The following CYP2E1 variants were observed in gnomAD, a reference collection of about 807,000 sequenced individuals.
CYP2E1 encodes the protein cytochrome P450 2E1.
Under a neutral mutation model 42.9 loss-of-function variants are expected in CYP2E1, and 31 were observed. The observed-to-expected ratio is 0.72, with a 90% CI of 0.54 to 0.98. CYP2E1 has a LOEUF of 0.98. Among genes scored for constraint, CYP2E1 ranks in the 50% least tolerant of loss-of-function variants. The pLI, the probability that CYP2E1 is intolerant of heterozygous loss-of-function variation, is 0.00. For synonymous variants in CYP2E1, 244 were observed against 248.9 expected, an observed-to-expected ratio of 0.98 and a Z score of 0.19; for missense variants, 565 against 633.2, an observed-to-expected ratio of 0.89 and a Z score of 1.16.
chr10:133,538,648 A>G, intron 8 of CYP2E1, 132 bp from the exon 9 acceptor site: 2 of 731,904 alleles, frequency 2.7e-6, no homozygotes, highest in Non-Finnish European at 4.7e-6. Context: ...ATAGGCAGAG[A>G]AGGGTGAGTC....
chr10:133,537,425 T>C (rs541573891), intron 7 of CYP2E1, 175 bp downstream of exon 7: 7 of 661,504 alleles, frequency 1.1e-5, no homozygotes, highest in Middle Eastern at 4.1e-4. Context: ...AGTGCTCACA[T>C]TGGCCTGGTG....
At chr10:133,537,391 C>A in intron 7 of CYP2E1, 141 bp downstream of exon 7, 4 of 793,290 alleles carry the variant, frequency 5.0e-6, no homozygotes, top group African/African-American at 1.7e-5. Flanking sequence ...CCACTCCCAC[C>A]CTGTGGGATA....
At chr10:133,529,316 C>T (rs1326472125) in intron 2 of CYP2E1, among the ~76,000 whole-genome samples, 1 of 152,228 alleles carries the variant, frequency 6.6e-6, no homozygotes, top group Non-Finnish European at 1.5e-5. Flanking sequence ...TGCGCATTCT[C>T]CCAGCCTCCT....
Position 133,537,822 on chromosome 10 carries a change from T to A in CYP2E1, c.1227T>A (p.Phe409Leu), listed in dbSNP as rs892558134. 6.2e-7 allele frequency: 1 copy of A among 1,613,852 alleles called. No homozygotes were observed. The highest frequency in any genetic ancestry group is 1.7e-5 in the Admixed American group (1 of 59,996). ...DNQEFPDPEKFKPEHFLNENG... is the reference protein window; with the variant it reads ...DNQEFPDPEKLKPEHFLNENG... ...AAGAATTTCCTGATCCAGAAAAGTT[T>A]AAGCCAGAACACTTCCTGAATGAAA... The change falls in exon 8 of 9, where the codon TTT (phenylalanine) becomes TTA (leucine). Residue 409 changes from phenylalanine to leucine, a missense_variant. Transcript: ENST00000252945.
At chr10:133,538,746 C>T in intron 8 of CYP2E1, 34 bp from the exon 9 acceptor site, 1 of 1,588,038 alleles carries the variant, frequency 6.3e-7, no homozygotes, top group Non-Finnish European at 8.6e-7. Flanking sequence ...CTGAAACTCC[C>T]TCAGTGTCTC....
In CYP2E1 at chr10:133,527,496, C is replaced by T; in HGVS notation, c.101C>T (p.Pro34Leu). 1 of 1,613,724 alleles carries T rather than the reference C, an allele frequency of 6.2e-7. No homozygotes were observed. Among genetic ancestry groups the T allele is most frequent in the Non-Finnish European group, 8.5e-7 (1 of 1,179,974 alleles). ...RQVHSSWNLP[P>L]GPFPLPIIGN... ...GTGCACAGCAGCTGGAATCTGCCCC[C>T]AGGCCCTTTCCCGCTTCCCATCATC... is the stretch of plus-strand genomic sequence containing the variant. Residue 34 changes from proline (P) to leucine (L), a missense_variant, in exon 1 of 9, where the codon CCA becomes CTA. Transcript: ENST00000252945.
At chr10:133,528,680 C>T (rs1212087354) in intron 2 of CYP2E1, 40 bp downstream of exon 2, 1 of 1,609,526 alleles carries the variant, frequency 6.2e-7, no homozygotes, top group Non-Finnish European at 8.5e-7. Context: ...GGGTGCATAA[C>T]ACGCCCCGGG....
chr10:133,529,772 A>G (rs1479630050), intron 2 of CYP2E1, among the ~76,000 whole-genome samples: 3 of 152,228 alleles, frequency 2.0e-5, no homozygotes, highest in Admixed American at 6.5e-5. Flanking sequence ...CCGCGCCAGG[A>G]CCGCGTCCAG....
intron 8 of CYP2E1, 92 bp from the exon 9 acceptor site, chr10:133,538,688 C>G: frequency 8.6e-7 from 1 of 1,168,908 alleles, no homozygotes; most frequent in Non-Finnish European, 1.3e-6. Flanking sequence ...TGCCCACAGC[C>G]TCCTCCTCCC....
At chr10:133,537,943 T>C in intron 8 of CYP2E1, 51 bp downstream of exon 8, 2 of 1,571,834 alleles carry the variant, frequency 1.3e-6, no homozygotes, top group Non-Finnish European at 1.7e-6. Context: ...CCCACACTCC[T>C]CATCTCCCCT....
rs1851347068 is a variant in CYP2E1 at position 133,532,195 on chromosome 10, A to G, written c.559A>G (p.Lys187Glu). 3 of 1,614,020 alleles carry G rather than the reference A, an allele frequency of 1.9e-6. No homozygotes were observed. The highest frequency in any genetic ancestry group is 1.3e-5 in the African/African-American group (1 of 74,988). The change falls in exon 4 of 9, where the codon AAG (lysine) becomes GAG (glutamate). Residue 187 changes from lysine to glutamate, a missense_variant. By Grantham distance (56) the Lys-to-Glu change is moderately conservative. Transcript: ENST00000252945. ...CNVIADILFRKHFDYNDEKFL... is the reference protein window; with the variant it reads ...CNVIADILFREHFDYNDEKFL... ...CGTCATAGCCGACATCCTCTTCCGC[A>G]AGCATTTTGACTACAATGATGAGAA...
intron 6 of CYP2E1, among the ~76,000 whole-genome samples, chr10:133,536,266 G>A (rs1044741041): frequency 2.6e-5 from 4 of 152,078 alleles, no homozygotes; most frequent in African/African-American, 9.7e-5. Context: ...TAACCTCATA[G>A]AGCTTAGCTC....
At chr10:133,536,436 G>A (rs948585088) in intron 6 of CYP2E1, among the ~76,000 whole-genome samples, 2 of 151,024 alleles carry the variant, frequency 1.3e-5, no homozygotes, top group Admixed American at 1.3e-4. Flanking sequence ...TGGATGGATG[G>A]ATGGATGGTT....
chr10:133,532,940 T>A (rs577291477), intron 5 of CYP2E1, 72 bp downstream of exon 5: 1 of 1,389,886 alleles, frequency 7.2e-7, no homozygotes, highest in East Asian at 2.4e-5. Flanking sequence ...ATTTACAGAG[T>A]GAGCTGCACT....
intron 2 of CYP2E1, among the ~76,000 whole-genome samples, chr10:133,530,730 T>A (rs1272669046): frequency 6.6e-6 from 1 of 152,086 alleles, no homozygotes; most frequent in Non-Finnish European, 1.5e-5. Flanking sequence ...TGATGATGGA[T>A]AAGAGGAAGA....
chr10:133,534,868 AT>A (rs71016459), intron 6 of CYP2E1, among the ~76,000 whole-genome samples: 112,099 of 146,628 alleles, frequency 0.76, 43,806 homozygotes, highest in Middle Eastern at 0.92. Flanking sequence ...TTATTTATTT[AT>A]TTTTTTTTTT....
At chr10:133,536,629 A>AG in intron 6 of CYP2E1, among the ~76,000 whole-genome samples, 1 of 13,250 alleles carries the variant, frequency 7.5e-5, no homozygotes, top group Non-Finnish European at 1.3e-4. Context: ...GGGTGGATGG[A>AG]TGGGTGGATG....
intron 1 of CYP2E1, chr10:133,528,097 C>T (rs1165772412): frequency 4.2e-6 from 1 of 239,488 alleles, no homozygotes; most frequent in African/African-American, 2.2e-5. Flanking sequence ...TGACGGCGGG[C>T]GGGGGTCGCC....
At chr10:133,533,734 C>T (rs374613075) in intron 5 of CYP2E1, 22 bp from the exon 6 acceptor site, 386 of 1,612,298 alleles carry the variant, frequency 2.4e-4, no homozygotes, top group South Asian at 5.1e-4. Flanking sequence ...CCTTCTCCTC[C>T]GGTCTGTCTC....
Sources: gnomAD v4.1 joint callset for allele counts (sites outside exome capture counted in the v4.1 genomes callset) on GRCh38, gnomAD v4.1.1 for gene constraint, MANE v1.5 for transcripts, NCBI Gene and HGNC (gene_info 2026-07-23, HGNC 2026-07-21) for gene names.